Variants in SRGAP2C observed in about 807,000 individuals in gnomAD.
The protein encoded by SRGAP2C is SLIT-ROBO Rho GTPase activating protein 2C.
SRGAP2C carries 15 observed loss-of-function variants against 25.1 expected under a neutral mutation model. The observed-to-expected ratio is 0.60, with a 90% CI of 0.40 to 0.92. The LOEUF is 0.92. SRGAP2C is among the 40% of genes least tolerant of loss of function. The pLI is 0.00. For synonymous variants in SRGAP2C, 44 were observed against 96.6 expected (o/e 0.46, Z 3.19); for missense variants, 144 against 264.4 (o/e 0.54, Z 3.16).
At position 121,324,489 on chromosome 1, in the gene SRGAP2C, A is replaced by G; in HGVS notation, c.272A>G (p.Asn91Ser). 4 of 1,613,302 alleles carry G rather than the reference A, an allele frequency of 2.5e-6. No homozygotes were observed. The highest frequency in any genetic ancestry group is 2.2e-5 in the East Asian group (1 of 44,868). The change falls in exon 4 of 10, where the codon AAT becomes AGT. Residue 91 changes from asparagine (N) to serine (S), a missense_variant. Physicochemically the swap from Asn to Ser is conservative, Grantham distance 46. Transcript: ENST00000367123. ...TKDQQFKKDQ[N>S]VLSPVNCWNL... ...ATGTTTCTTCACAGGAAGGATCAGA[A>G]TGTTCTCTCTCCAGTCAACTGCTGG...
chr1:121,191,763 A>T (rs1437652694), intron 2 of SRGAP2C, among the ~76,000 whole-genome samples: 4 of 150,616 alleles, frequency 2.7e-5, no homozygotes, highest in African/African-American at 9.8e-5. Flanking sequence ...CTATACCTTG[A>T]GTTTTTACAG....
At chr1:121,336,403 T>G in intron 4 of SRGAP2C, among the ~76,000 whole-genome samples, 2 of 117,560 alleles carry the variant, frequency 1.7e-5, no homozygotes, top group African/African-American at 3.2e-5. Context: ...TTCTCTCTCT[T>G]TCTCTCTCTC....
chr1:121,239,194 A>AC (rs1260569656), intron 2 of SRGAP2C, among the ~76,000 whole-genome samples: 35 of 3,014 alleles, frequency 0.012, 4 homozygotes, highest in African/African-American at 0.09. Context: ...ATATATATAT[A>AC]TATATATATA....
chr1:121,208,143 CA>C (rs1395966346), intron 2 of SRGAP2C, among the ~76,000 whole-genome samples: 1 of 152,176 alleles, frequency 6.6e-6, no homozygotes, highest in Non-Finnish European at 1.5e-5. Flanking sequence ...ATAACCCAAA[CA>C]AATATATATT....
chr1:121,260,504 C>A (rs1188327932), intron 2 of SRGAP2C, among the ~76,000 whole-genome samples: 3 of 151,750 alleles, frequency 2.0e-5, no homozygotes, highest in Non-Finnish European at 4.4e-5. Flanking sequence ...TACATCATAC[C>A]ATGATAGGCT....
chr1:121,206,517 T>G (rs1443790951), intron 2 of SRGAP2C, among the ~76,000 whole-genome samples: 1 of 151,746 alleles, frequency 6.6e-6, no homozygotes, highest in Non-Finnish European at 1.5e-5. Flanking sequence ...ATGAAGTCAT[T>G]TCAGAGGGAC....
At chr1:121,265,160 C>T (rs1553334093) in intron 2 of SRGAP2C, among the ~76,000 whole-genome samples, 2 of 139,996 alleles carry the variant, frequency 1.4e-5, no homozygotes, top group Non-Finnish European at 3.1e-5. Flanking sequence ...GATCATGCCA[C>T]TGTACTCCAG....
chr1:121,213,668 G>T (rs1655324196), intron 2 of SRGAP2C, among the ~76,000 whole-genome samples: 1 of 68,546 alleles, frequency 1.5e-5, no homozygotes, highest in Non-Finnish European at 2.8e-5. Flanking sequence ...CCGGGCTGGG[G>T]TGCTTATCTG....
At chr1:121,198,400 C>T (rs1654894568) in intron 2 of SRGAP2C, among the ~76,000 whole-genome samples, 3 of 121,574 alleles carry the variant, frequency 2.5e-5, no homozygotes, top group Non-Finnish European at 5.1e-5. Context: ...GCTGTTTGAG[C>T]CCAGATCTTG....
intron 2 of SRGAP2C, among the ~76,000 whole-genome samples, chr1:121,282,588 T>A (rs1326636582): frequency 6.6e-6 from 1 of 151,938 alleles, no homozygotes; most frequent in Non-Finnish European, 1.5e-5. Flanking sequence ...GGAGTCTCGC[T>A]CTGTCGCCCA....
At chr1:121,208,077 G>A (rs1425646604) in intron 2 of SRGAP2C, among the ~76,000 whole-genome samples, 1 of 152,024 alleles carries the variant, frequency 6.6e-6, no homozygotes, top group Non-Finnish European at 1.5e-5. Context: ...CCTACATCTA[G>A]GAGTTGCTGT....
At chr1:121,319,540 T>A (rs1231181424) in intron 3 of SRGAP2C, among the ~76,000 whole-genome samples, 19 of 151,088 alleles carry the variant, frequency 1.3e-4, no homozygotes, top group African/African-American at 3.9e-4. Flanking sequence ...GAAATCCCTT[T>A]AAGCGCTTGT....
intron 4 of SRGAP2C, among the ~76,000 whole-genome samples, chr1:121,350,768 C>T (rs587668676): frequency 3.9e-4 from 59 of 151,582 alleles, no homozygotes; most frequent in African/African-American, 1.4e-3. Context: ...AAGTCAGAAA[C>T]CTCTGTGTTT....
chr1:121,322,206 C>T (rs1658225685), intron 3 of SRGAP2C, among the ~76,000 whole-genome samples: 1 of 147,794 alleles, frequency 6.8e-6, no homozygotes, highest in South Asian at 2.1e-4. Context: ...CTCATGAGAT[C>T]TGCCCCTTTA....
At position 121,187,517 on chromosome 1, in the gene SRGAP2C, AG is replaced by A. The variant is rs1176210484; in HGVS notation, c.67+7del. ...GAGTACGATACTCAGGTCAAAGGTA[AG>A]GGTTTTGAAAAATAGCACACTGCAA... On this transcript the variant is annotated splice_donor_5th_base_variant and intron_variant, in intron 2 of 9. Transcript: ENST00000367123. The A allele has an allele frequency of 8.1e-6, 2 of 247,526 alleles. No homozygotes were observed. Among genetic ancestry groups the A allele is most frequent in the Non-Finnish European group, 7.0e-6 (1 of 143,740 alleles). 15.3% of individuals were successfully genotyped at this position (247,526 alleles called of 1,614,324 possible). A position where few individuals can be genotyped will look rare whatever the true frequency, so the allele number is the denominator to read the frequency against.
intron 3 of SRGAP2C, among the ~76,000 whole-genome samples, chr1:121,320,814 C>G (rs1185654331): frequency 2.6e-5 from 4 of 151,864 alleles, no homozygotes; most frequent in Non-Finnish European, 5.9e-5. Flanking sequence ...TTGGATAAGC[C>G]CCAACATGTA....
At chr1:121,315,269 G>T (rs1658071780) in intron 3 of SRGAP2C, among the ~76,000 whole-genome samples, 1 of 152,170 alleles carries the variant, frequency 6.6e-6, no homozygotes, top group South Asian at 2.1e-4. Flanking sequence ...TCAGCCTCCT[G>T]AGTAGCCAGG....
At position 121,336,679 on chromosome 1, in the gene SRGAP2C, T is replaced by C. The variant is rs1658521586; in HGVS notation, c.423+12039T>C. 2.2e-5 allele frequency among the ~76,000 whole-genome samples: 2 copies of C among 91,348 alleles called. 1 individual carries two copies. Among genetic ancestry groups the C allele is most frequent in the East Asian group, 1.1e-3 (2 of 1,740 alleles). 59.9% of individuals were successfully genotyped at this position (91,348 alleles called of 152,430 possible). A position where few individuals can be genotyped will look rare whatever the true frequency, so the allele number is the denominator to read the frequency against. On this transcript the variant is annotated intron_variant, in intron 4 of 9. Coordinates refer to ENST00000367123, the MANE Select transcript of SRGAP2C (RefSeq NM_001329984.2). ...CATACTATTTTGTAATCTACTGTTT[T>C]AGTCAAGAACTTTCTCCTTTACATT...
intron 3 of SRGAP2C, among the ~76,000 whole-genome samples, chr1:121,309,497 T>C (rs1657932137): frequency 6.8e-6 from 1 of 147,434 alleles, no homozygotes; most frequent in Non-Finnish European, 1.5e-5. Context: ...TATGTATACA[T>C]GTGCCATGCT....
Sources: allele counts gnomAD v4.1 joint callset (sites outside exome capture counted in the v4.1 genomes callset), GRCh38; gene constraint gnomAD v4.1.1; transcripts MANE v1.5; gene names NCBI Gene and HGNC (gene_info 2026-07-23, HGNC 2026-07-21).